The following ATP6V1H variants were observed in gnomAD, a reference collection of about 807,000 sequenced individuals.
ATP6V1H encodes V-type proton ATPase subunit H.
In ATP6V1H, 39 loss-of-function variants were observed where a neutral mutation model predicts 71.7. That is an observed-to-expected ratio of 0.54 (90% CI 0.42 to 0.71). ATP6V1H has a LOEUF of 0.71. Ranked by LOEUF, ATP6V1H falls within the 30% of genes least tolerant of loss-of-function variation. The pLI is 0.00. For missense variants in ATP6V1H, 509 were observed against 594.9 expected (o/e 0.86, Z 1.50); for synonymous variants, 192 against 199.3 (o/e 0.96, Z 0.31).
chr8:53,738,043 T>TA (rs1313333564), intron 13 of ATP6V1H, among the ~76,000 whole-genome samples: 5 of 152,202 alleles, frequency 3.3e-5, no homozygotes, highest in Non-Finnish European at 5.9e-5. Context: ...AGAGTGAATA[T>TA]AAAGTTTGCT....
At chr8:53,822,683 T>C (rs1355349486) in intron 4 of ATP6V1H, among the ~76,000 whole-genome samples, 2 of 152,148 alleles carry the variant, frequency 1.3e-5, no homozygotes, top group Admixed American at 6.5e-5. Context: ...TAAATGTGGA[T>C]GGTTTAATTC....
chr8:53,749,261 A>T (rs142214042), intron 12 of ATP6V1H, among the ~76,000 whole-genome samples: 1 of 152,254 alleles, frequency 6.6e-6, no homozygotes, highest in East Asian at 1.9e-4. Flanking sequence ...AGAATCTCTT[A>T]TATCAGTGAA....
At chr8:53,783,869 TC>T (rs1809262363) in intron 9 of ATP6V1H, among the ~76,000 whole-genome samples, 2 of 152,248 alleles carry the variant, frequency 1.3e-5, no homozygotes, top group South Asian at 4.1e-4. Context: ...AGTTTCTTAA[TC>T]CTGAGTTCTA....
intron 13 of ATP6V1H, among the ~76,000 whole-genome samples, chr8:53,725,066 C>A (rs1806765299): frequency 6.6e-6 from 1 of 152,148 alleles, no homozygotes; most frequent in Admixed American, 6.5e-5. Flanking sequence ...GAGTATCTGT[C>A]CCCTTCAAAC....
chr8:53,729,042 T>C (rs963654140), intron 13 of ATP6V1H, among the ~76,000 whole-genome samples: 3 of 152,300 alleles, frequency 2.0e-5, no homozygotes, highest in Admixed American at 2.0e-4. Flanking sequence ...GTCTTGTTGT[T>C]CCAGTTCCGC....
chr8:53,806,838 T>A (rs919593924), intron 7 of ATP6V1H: 1 of 454,686 alleles, frequency 2.2e-6, no homozygotes, highest in Non-Finnish European at 4.4e-6. Flanking sequence ...GAACAGCTCG[T>A]GTAATTTACT....
At chr8:53,757,603 C>T (rs989533283) in intron 11 of ATP6V1H, among the ~76,000 whole-genome samples, 4 of 152,110 alleles carry the variant, frequency 2.6e-5, no homozygotes, top group African/African-American at 9.7e-5. Flanking sequence ...TGGTAGAAGA[C>T]CAATATATAA....
chr8:53,794,864 G>C (rs552540471), intron 9 of ATP6V1H, among the ~76,000 whole-genome samples: 121 of 152,180 alleles, frequency 8.0e-4, no homozygotes, highest in Middle Eastern at 3.4e-3. Flanking sequence ...ATAGAGCTCT[G>C]GTGAGCATTA....
At chr8:53,772,801 G>C (rs1808712833) in intron 9 of ATP6V1H, among the ~76,000 whole-genome samples, 1 of 147,746 alleles carries the variant, frequency 6.8e-6, no homozygotes. Context: ...ATGTTTCTGA[G>C]TAAGGACCAG....
At chr8:53,836,391 GT>G (rs1376122583) in intron 2 of ATP6V1H, among the ~76,000 whole-genome samples, 1 of 152,080 alleles carries the variant, frequency 6.6e-6, no homozygotes, top group East Asian at 1.9e-4. Context: ...TTTCTTATTT[GT>G]CTAGCCACTC....
chr8:53,762,879 T>C (rs1422253935), intron 11 of ATP6V1H, among the ~76,000 whole-genome samples: 1 of 152,188 alleles, frequency 6.6e-6, no homozygotes, highest in African/African-American at 2.4e-5. Context: ...AACATCAACA[T>C]GTTCTCTTTC....
At position 53,767,902 on chromosome 8, in the gene ATP6V1H, C is replaced by T. The variant is rs143043958; in HGVS notation, c.1175+1716G>A. 2.2e-3 allele frequency among the ~76,000 whole-genome samples: 335 copies of T among 152,170 alleles called. 2 individuals are homozygous for T. Among genetic ancestry groups the T allele is most frequent in the African/African-American group, 7.8e-3 (324 of 41,514 alleles). On this transcript the variant is annotated intron_variant, in intron 11 of 13. Transcript: ENST00000359530. The stretch of plus-strand genomic sequence containing the variant: ...GGAGTAAATCAGTTTTGGCAACAGA[C>T]CAAAAGCATGAGAAACTAAGGAAAC...
chr8:53,787,294 G>C (rs1809419718), intron 9 of ATP6V1H, among the ~76,000 whole-genome samples: 1 of 152,214 alleles, frequency 6.6e-6, no homozygotes, highest in African/African-American at 2.4e-5. Flanking sequence ...TGAAACAGGG[G>C]ATAAGGGATA....
intron 13 of ATP6V1H, among the ~76,000 whole-genome samples, chr8:53,730,813 C>T (rs890259839): frequency 1.3e-5 from 2 of 152,140 alleles, no homozygotes; most frequent in African/African-American, 2.4e-5. Context: ...TTCCACTCTT[C>T]CCTTTTCCAC....
At chr8:53,762,588 A>C (rs982002189) in intron 11 of ATP6V1H, among the ~76,000 whole-genome samples, 2 of 152,232 alleles carry the variant, frequency 1.3e-5, no homozygotes, top group African/African-American at 4.8e-5. Flanking sequence ...AATAATGAAC[A>C]GCAATTAATA....
chr8:53,811,747 G>T (rs924936448), intron 6 of ATP6V1H, among the ~76,000 whole-genome samples: 9 of 152,166 alleles, frequency 5.9e-5, no homozygotes, highest in Non-Finnish European at 1.5e-5. Context: ...GGCTGAAAGT[G>T]CAAGAGAAAA....
chr8:53,759,379 T>C (rs1247510486), intron 11 of ATP6V1H, among the ~76,000 whole-genome samples: 2 of 152,230 alleles, frequency 1.3e-5, no homozygotes, highest in Non-Finnish European at 2.9e-5. Flanking sequence ...AAAAGACATT[T>C]TATGGTATGC....
At chr8:53,732,209 A>G (rs925401889) in intron 13 of ATP6V1H, among the ~76,000 whole-genome samples, 8 of 152,078 alleles carry the variant, frequency 5.3e-5, no homozygotes, top group African/African-American at 1.9e-4. Context: ...GTGACCTTTT[A>G]CCCTTTCCTT....
chr8:53,798,220 G>C (rs1461115471), intron 8 of ATP6V1H, among the ~76,000 whole-genome samples: 1 of 151,998 alleles, frequency 6.6e-6, no homozygotes, highest in Non-Finnish European at 1.5e-5. Flanking sequence ...AAATGTGCTG[G>C]GTTTTTTTAA....
Sources: gnomAD v4.1 joint callset for allele counts (sites outside exome capture counted in the v4.1 genomes callset) on GRCh38, gnomAD v4.1.1 for gene constraint, MANE v1.5 for transcripts, NCBI Gene and HGNC (gene_info 2026-07-23, HGNC 2026-07-21) for gene names.